The following CPNE7 variants were observed in gnomAD, a reference collection of about 807,000 sequenced individuals.
CPNE7 encodes copine-7.
In CPNE7, 78 loss-of-function variants were observed where a neutral mutation model predicts 66.5. The ratio of observed to expected loss-of-function variants is 1.17; its 90% CI spans 0.98 to 1.42. The LOEUF (loss-of-function observed/expected upper bound fraction) is 1.42, where lower values mean the gene tolerates loss of function less well. Among genes scored for constraint, CPNE7 ranks in the 40% most tolerant of loss-of-function variants. The pLI is 0.00. For synonymous variants in CPNE7, 468 were observed against 336.7 expected, an observed-to-expected ratio of 1.39 and a Z score of -4.27; for missense variants, 1,012 against 776.6, an observed-to-expected ratio of 1.30 and a Z score of -3.60.
In CPNE7 at chr16:89,575,796, G is replaced by A; in HGVS notation, c.-102G>A. On this transcript the variant is annotated 5_prime_UTR_variant, in exon 1 of 15. Coordinates refer to ENST00000319518, the MANE Select transcript of CPNE7 (RefSeq NM_153636.3). ...CCCGGCAGGCGTTCAGGGAAGCGCG[G>A]CCACGCCTGGGCCGGCCACCATTTC... 1.1e-6 allele frequency: 1 copy of A among 904,670 alleles called. No individual in the cohort carries two copies. Among genetic ancestry groups the A allele is most frequent in the Non-Finnish European group, 1.3e-6 (1 of 742,080 alleles). 56.0% of individuals were successfully genotyped at this position (904,670 alleles called of 1,614,324 possible).
chr16:89,587,196 CTCAG>C (rs1249548627), intron 9 of CPNE7, 94 bp downstream of exon 9: 2 of 532,754 alleles, frequency 3.8e-6, no homozygotes, highest in African/African-American at 6.9e-5. Flanking sequence ...TCCCCGCCCC[CTCAG>C]TCTGTGGCCC....
In CPNE7 at chr16:89,578,975, C is replaced by T. The variant is rs534210956; in HGVS notation, c.357+1254C>T. 24 of 1,606,468 alleles carry T rather than the reference C, an allele frequency of 1.5e-5. No individual in the cohort carries two copies. Among genetic ancestry groups the T allele is most frequent in the African/African-American group, 8.0e-5 (6 of 74,676 alleles). On this transcript the variant is annotated intron_variant, in intron 2 of 14. Coordinates refer to ENST00000319518, the MANE Select transcript of CPNE7 (RefSeq NM_153636.3). The stretch of plus-strand genomic sequence containing the variant: ...ACGGAATCCTCACACCTTGCCAGGA[C>T]GGGTCCTTCTTTTTTATTGAGGTAA...
Position 89,577,402 on chromosome 16 carries a change from G to C in CPNE7, c.175-137G>C, listed in dbSNP as rs2058876704. The C allele has an allele frequency of 2.2e-5, 19 of 849,058 alleles. 1 individual carries two copies. The highest frequency in any genetic ancestry group is 3.6e-4 in the Middle Eastern group (1 of 2,804). The allele number at this position is 849,058 out of a possible 1,614,324, so 52.6% of individuals were successfully genotyped here. ...TCGGGATTGTGGTCCCATGGACAGA[G>C]AGCAGGCAGGAGGTCTTCCCAGGGT... On this transcript the variant is annotated intron_variant, in intron 1 of 14. Transcript: ENST00000319518.
At chr16:89,588,550 C>A (rs979186762) in intron 9 of CPNE7, 125 bp from the exon 10 acceptor site, 30 of 1,209,200 alleles carry the variant, frequency 2.5e-5, no homozygotes, top group South Asian at 4.2e-5. Context: ...AGCCCCCCAG[C>A]CCTACCCACC....
chr16:89,581,296 A>T (rs957553304), intron 2 of CPNE7, among the ~76,000 whole-genome samples: 2 of 147,998 alleles, frequency 1.4e-5, no homozygotes, highest in African/African-American at 5.1e-5. Flanking sequence ...GTCACACAGA[A>T]CATCCCGTCA....
At chr16:89,596,026 T>C in intron 14 of CPNE7, 1 of 470,438 alleles carries the variant, frequency 2.1e-6, no homozygotes, top group Non-Finnish European at 4.2e-6. Flanking sequence ...GACACACATG[T>C]CACACATGAG....
intron 2 of CPNE7, among the ~76,000 whole-genome samples, chr16:89,583,215 A>G (rs1252154346): frequency 6.6e-6 from 1 of 151,654 alleles, no homozygotes; most frequent in Non-Finnish European, 1.5e-5. Context: ...CCTCGCTCAC[A>G]CCCTTTCTGC....
intron 12 of CPNE7, 27 bp downstream of exon 12, chr16:89,591,085 G>C (rs756095651): frequency 1.9e-6 from 3 of 1,613,438 alleles, no homozygotes; most frequent in Admixed American, 3.3e-5. Flanking sequence ...GGCCTGGGGA[G>C]GGGAGTGCAG....
chr16:89,576,206 G>A lies in CPNE7; in HGVS notation c.174+135G>A, dbSNP rs1427363030. The A allele has an allele frequency of 4.4e-6, 3 of 676,028 alleles. No individual in the cohort carries two copies. The African/African-American group carries it at 5.7e-5, about 13-fold the overall frequency. 41.9% of individuals were successfully genotyped at this position (676,028 alleles called of 1,614,324 possible). A position where few individuals can be genotyped will look rare whatever the true frequency, so the allele number is the denominator to read the frequency against. ...GCCCCCCGGAGCTGGGGCTCAGCTCGGGGTCAGGGTTGGGGGTTACCAGGT... is the reference window on the plus strand; with the variant it reads ...GCCCCCCGGAGCTGGGGCTCAGCTCAGGGTCAGGGTTGGGGGTTACCAGGT... On this transcript the variant is annotated intron_variant, in intron 1 of 14. Transcript: ENST00000319518.
At position 89,586,720 on chromosome 16, in the gene CPNE7, T is replaced by G; in HGVS notation, c.831T>G (p.Tyr277Ter). 1.9e-6 allele frequency: 3 copies of G among 1,612,704 alleles called. No individual in the cohort carries two copies. Among genetic ancestry groups the G allele is most frequent in the Non-Finnish European group, 2.5e-6 (3 of 1,179,636 alleles). Residue 277 changes from tyrosine to a stop codon, truncating the protein, a stop_gained, in exon 8 of 15, where the codon TAT (tyrosine) becomes TAG (stop). Coordinates refer to ENST00000319518, the MANE Select transcript of CPNE7 (RefSeq NM_153636.3). LOFTEE classifies it high-confidence loss of function. ...AATACAAGCAGAAGAGACGCAGTTA[T>G]AAGAACTCAGGAGTGGTCGTCCTGG... ...NPKYKQKRRS[Y>*]KNSGVVVLAD... is the part of the protein sequence containing the mutation.
intron 2 of CPNE7, chr16:89,578,902 G>A: frequency 3.7e-6 from 6 of 1,613,730 alleles, no homozygotes; most frequent in Non-Finnish European, 5.1e-6. Context: ...AGTGTCTGTT[G>A]ATGTGCTGGG....
chr16:89,578,806 A>G, intron 2 of CPNE7: 1 of 1,535,946 alleles, frequency 6.5e-7, no homozygotes, highest in Non-Finnish European at 8.8e-7. Flanking sequence ...AGCAGGTCCT[A>G]CGGTGGCCAC....
At chr16:89,589,182 C>T (rs930650285) in intron 10 of CPNE7, among the ~76,000 whole-genome samples, 1 of 152,226 alleles carries the variant, frequency 6.6e-6, no homozygotes, top group African/African-American at 2.4e-5. Context: ...ATCCCAGCTA[C>T]TCAGGAGGCT....
chr16:89,586,855 G>T, intron 8 of CPNE7, 99 bp downstream of exon 8: 1 of 1,213,386 alleles, frequency 8.2e-7, no homozygotes, highest in Non-Finnish European at 1.2e-6. Flanking sequence ...GGCCTGGTGG[G>T]CCCCAGCACG....
intron 9 of CPNE7, 116 bp from the exon 10 acceptor site, chr16:89,588,559 C>T: frequency 7.5e-7 from 1 of 1,328,760 alleles, no homozygotes; most frequent in Admixed American, 1.9e-5. Flanking sequence ...GCCCTACCCA[C>T]CTACGCGACC....
In CPNE7 at chr16:89,575,812, C is replaced by T. The variant is rs1433284660; in HGVS notation, c.-86C>T. The T allele has an allele frequency of 5.0e-6, 5 of 1,004,072 alleles. No individual in the cohort carries two copies. In the South Asian group the frequency reaches 1.4e-4, roughly 29 times the overall value. The allele number at this position is 1,004,072 out of a possible 1,614,324, so 62.2% of individuals were successfully genotyped here. A position where few individuals can be genotyped will look rare whatever the true frequency, so the allele number is the denominator to read the frequency against. On this transcript the variant is annotated 5_prime_UTR_variant, in exon 1 of 15. Transcript: ENST00000319518. ...GGAAGCGCGGCCACGCCTGGGCCGG[C>T]CACCATTTCCCGGGCGCCGCGGCGG... is the stretch of plus-strand genomic sequence containing the variant.
intron 13 of CPNE7, among the ~76,000 whole-genome samples, chr16:89,593,817 C>T (rs2059211443): frequency 6.6e-6 from 1 of 152,126 alleles, no homozygotes; most frequent in African/African-American, 2.4e-5. Flanking sequence ...ACTTTCAAAG[C>T]AGTATTGTTC....
At chr16:89,585,959 GGGA>G (rs2059031256) in intron 7 of CPNE7, among the ~76,000 whole-genome samples, 174 bp downstream of exon 7, 1 of 121,766 alleles carries the variant, frequency 8.2e-6, no homozygotes, top group Non-Finnish European at 1.8e-5. Context: ...GGCACCTCTG[GGGA>G]GGAGCAGGTT....
chr16:89,585,444 C>A lies in CPNE7; in HGVS notation c.592-20C>A, dbSNP rs754623392. On this transcript the variant is annotated intron_variant, in intron 5 of 14. Coordinates refer to ENST00000319518, the MANE Select transcript of CPNE7 (RefSeq NM_153636.3). ...CCAGGGCCCTGGGCCTCCCCTGAGC[C>A]AGCCCCTCCCGGCCCACAGGTGGTG... The A allele has an allele frequency of 6.3e-7, 1 of 1,593,022 alleles. No homozygotes were observed. The highest frequency in any genetic ancestry group is 8.6e-7 in the Non-Finnish European group (1 of 1,164,980).
Sources: gnomAD v4.1 joint callset for allele counts (sites outside exome capture counted in the v4.1 genomes callset) on GRCh38, gnomAD v4.1.1 for gene constraint, MANE v1.5 for transcripts, NCBI Gene and HGNC (gene_info 2026-07-23, HGNC 2026-07-21) for gene names.